The following GRK5 variants were observed in gnomAD, a reference collection of about 807,000 sequenced individuals.
The protein encoded by GRK5 is G protein-coupled receptor kinase 5, also known as g protein-coupled receptor kinase GRK5.
In GRK5, 40 loss-of-function variants were observed where a neutral mutation model predicts 78.4. The ratio of observed to expected loss-of-function variants is 0.51; its 90% CI spans 0.40 to 0.66. The LOEUF (loss-of-function observed/expected upper bound fraction) is 0.66, where lower values mean the gene tolerates loss of function less well. GRK5 is among the 30% of genes least tolerant of loss of function. GRK5 has a pLI of 0.00. For missense variants in GRK5, 598 were observed against 759.9 expected, an observed-to-expected ratio of 0.79 and a Z score of 2.50; for synonymous variants, 289 against 296.8, an observed-to-expected ratio of 0.97 and a Z score of 0.27.
chr10:119,266,842 A>G lies in GRK5; in HGVS notation c.52+58873A>G, dbSNP rs1849506555. Among the ~76,000 whole-genome samples, 5 of 149,366 alleles carry G rather than the reference A, an allele frequency of 3.3e-5. No homozygotes were observed. The Admixed American group carries it at 3.4e-4, about 10-fold the overall frequency. On this transcript the variant is annotated intron_variant, in intron 1 of 15. Coordinates refer to ENST00000392870, the MANE Select transcript of GRK5 (RefSeq NM_005308.3). Reference sequence around the variant, plus strand: ...CAGGCTGGAGTGCAGTGCTGTGATCACAGCCCACTGCAGCCTTGAACTCCT... The same window carrying G: ...CAGGCTGGAGTGCAGTGCTGTGATCGCAGCCCACTGCAGCCTTGAACTCCT...
intron 13 of GRK5, among the ~76,000 whole-genome samples, chr10:119,448,856 T>C (rs1264934656): frequency 6.6e-6 from 1 of 152,152 alleles, no homozygotes; most frequent in Admixed American, 6.5e-5. Context: ...GTCCCCTACA[T>C]GGTCTATAAA....
rs748790353 is a variant in GRK5 at position 119,439,761 on chromosome 10, T to A, written c.960T>A (p.Asp320Glu). The change falls in exon 10 of 16, where the codon GAT (aspartate) becomes GAA (glutamate). Residue 320 changes from aspartate to glutamate, a missense_variant. Transcript: ENST00000392870. ...RDLKPENILL[D>E]DYGHIRISDL... ...TGAAACCTGAAAACATCCTGTTAGATGATTATGGTAAGTCTTTTCCTACTC... is the reference window on the plus strand; with the variant it reads ...TGAAACCTGAAAACATCCTGTTAGAAGATTATGGTAAGTCTTTTCCTACTC... 1 of 1,613,970 alleles carries A rather than the reference T, an allele frequency of 6.2e-7. No homozygotes were observed. The highest frequency in any genetic ancestry group is 1.7e-5 in the Admixed American group (1 of 60,020).
intron 4 of GRK5, among the ~76,000 whole-genome samples, chr10:119,402,275 G>A (rs747125116): frequency 6.6e-6 from 1 of 152,144 alleles, no homozygotes; most frequent in Non-Finnish European, 1.5e-5. Context: ...TTAGACAGCC[G>A]TGAGCGTGGC....
At chr10:119,289,389 G>A (rs1481359495) in intron 1 of GRK5, among the ~76,000 whole-genome samples, 2 of 152,198 alleles carry the variant, frequency 1.3e-5, no homozygotes, top group African/African-American at 4.8e-5. Context: ...CCCTCCCTTG[G>A]CAGGAAGTGC....
chr10:119,255,196 C>A (rs965078036), intron 1 of GRK5, among the ~76,000 whole-genome samples: 1 of 152,098 alleles, frequency 6.6e-6, no homozygotes, highest in Non-Finnish European at 1.5e-5. Context: ...GAGAGAGCTG[C>A]TGGGAGAGAT....
chr10:119,228,697 G>A (rs976903978), intron 1 of GRK5, among the ~76,000 whole-genome samples: 2 of 152,188 alleles, frequency 1.3e-5, no homozygotes, highest in Middle Eastern at 3.4e-3. Context: ...AGTGAGCAGG[G>A]GTTAGGAAAA....
intron 2 of GRK5, among the ~76,000 whole-genome samples, chr10:119,359,639 T>A (rs1248896202): frequency 6.6e-6 from 1 of 152,222 alleles, no homozygotes; most frequent in Non-Finnish European, 1.5e-5. Flanking sequence ...TTTGTTAAGA[T>A]GAACTAAGTT....
In GRK5 at chr10:119,313,005, G is replaced by A. The variant is rs1220400582; in HGVS notation, c.53-13511G>A. ...GCTGATGGTGGTGGTAATGGTGGTC[G>A]TGACGGTGATGGTAGTGGTAATGGC... On this transcript the variant is annotated intron_variant, in intron 1 of 15. Transcript: ENST00000392870. Among the ~76,000 whole-genome samples the A allele has an allele frequency of 1.7e-3, 6 of 3,506 alleles. No homozygotes were observed. The South Asian group carries it at 0.021, about 12-fold the overall frequency. The allele number at this position is 3,506 out of a possible 152,430, so 2.3% of individuals were successfully genotyped here. A position where few individuals can be genotyped will look rare whatever the true frequency, so the allele number is the denominator to read the frequency against.
intron 1 of GRK5, among the ~76,000 whole-genome samples, chr10:119,239,689 A>G (rs1464010287): frequency 1.3e-5 from 1 of 76,970 alleles, no homozygotes; most frequent in Non-Finnish European, 2.6e-5. Flanking sequence ...CTAGCCCCCC[A>G]CCCCCTAATA....
intron 1 of GRK5, among the ~76,000 whole-genome samples, chr10:119,274,106 C>T (rs1253027879): frequency 6.6e-6 from 1 of 152,106 alleles, no homozygotes; most frequent in Non-Finnish European, 1.5e-5. Flanking sequence ...TGAGAGAGCC[C>T]TGAGGTGCTT....
intron 1 of GRK5, among the ~76,000 whole-genome samples, chr10:119,298,732 G>A (rs1196727618): frequency 2.6e-5 from 4 of 151,356 alleles, no homozygotes; most frequent in South Asian, 2.1e-4. Context: ...TTCCAGCCCC[G>A]CACTTCCTGG....
chr10:119,220,089 G>T (rs760483066), intron 1 of GRK5, among the ~76,000 whole-genome samples: 3 of 152,170 alleles, frequency 2.0e-5, no homozygotes, highest in Non-Finnish European at 2.9e-5. Flanking sequence ...CAAGGAAAAC[G>T]TATGTTAACT....
In GRK5 at chr10:119,292,656, A is replaced by T. The variant is rs118105196; in HGVS notation, c.53-33860A>T. Among the ~76,000 whole-genome samples the T allele has an allele frequency of 5.4e-3, 830 of 152,300 alleles. 65 individuals are homozygous for T. The East Asian group carries it at 0.14, about 26-fold the overall frequency. ...GGATTGGTTCCAGGACCTCCTGAGG[A>T]TACCAAAATCTGCAGATGCACAAGT... On this transcript the variant is annotated intron_variant, in intron 1 of 15. Coordinates refer to ENST00000392870, the MANE Select transcript of GRK5 (RefSeq NM_005308.3).
At chr10:119,394,364 G>GTGTGGA (rs1851976203) in intron 3 of GRK5, among the ~76,000 whole-genome samples, 1 of 106,168 alleles carries the variant, frequency 9.4e-6, no homozygotes, top group Admixed American at 8.3e-5. Context: ...GTGTGTGGGT[G>GTGTGGA]TGTGTGGGTG....
chr10:119,324,351 G>A (rs1413204721), intron 1 of GRK5, among the ~76,000 whole-genome samples: 1 of 152,226 alleles, frequency 6.6e-6, no homozygotes, highest in Non-Finnish European at 1.5e-5. Flanking sequence ...TGCCGGCCAG[G>A]TGCAGTGGCT....
At chr10:119,377,802 T>C (rs2133827387) in intron 2 of GRK5, among the ~76,000 whole-genome samples, 1 of 152,312 alleles carries the variant, frequency 6.6e-6, no homozygotes, top group South Asian at 2.1e-4. Context: ...GGTAGAGGGG[T>C]ACCTTGCTTA....
At chr10:119,425,262 C>CAT (rs1852653614) in intron 6 of GRK5, among the ~76,000 whole-genome samples, 177 bp downstream of exon 6, 2 of 111,574 alleles carry the variant, frequency 1.8e-5, no homozygotes, top group South Asian at 5.9e-4. Context: ...TTCAAGCACA[C>CAT]ACACATACAC....
intron 2 of GRK5, among the ~76,000 whole-genome samples, chr10:119,341,398 C>G (rs757852568): frequency 2.6e-5 from 4 of 152,224 alleles, no homozygotes; most frequent in Non-Finnish European, 5.9e-5. Flanking sequence ...CCGCTCATCT[C>G]CTGACTTAGC....
chr10:119,343,065 G>C (rs928551587), intron 2 of GRK5, among the ~76,000 whole-genome samples: 2 of 152,284 alleles, frequency 1.3e-5, no homozygotes, highest in African/African-American at 4.8e-5. Flanking sequence ...AGGGATGTGG[G>C]ATCAGCTGAG....
Sources: allele counts gnomAD v4.1 joint callset (sites outside exome capture counted in the v4.1 genomes callset), GRCh38; gene constraint gnomAD v4.1.1; transcripts MANE v1.5; gene names NCBI Gene and HGNC (gene_info 2026-07-23, HGNC 2026-07-21).